The following KPNA5 variants were observed in gnomAD, a reference collection of about 807,000 sequenced individuals.
KPNA5 encodes the protein karyopherin subunit alpha 5, also known as importin subunit alpha-6.
In KPNA5, 46 loss-of-function variants were observed where a neutral mutation model predicts 71.3. The observed-to-expected ratio is 0.65, with a 90% confidence interval of 0.51 to 0.83. KPNA5 has a LOEUF of 0.83. Ranked by LOEUF, KPNA5 falls within the 40% of genes least tolerant of loss-of-function variation. The probability of loss-of-function intolerance (pLI) is 0.00; values close to 1 mark genes in which losing one functional copy is unlikely to be tolerated. For synonymous variants in KPNA5, 207 were observed against 201.4 expected (o/e 1.03, Z -0.24); for missense variants, 547 against 628.3 (o/e 0.87, Z 1.38).
At chr6:116,728,017 G>A (rs188602683) in intron 12 of KPNA5, among the ~76,000 whole-genome samples, 79 of 151,984 alleles carry the variant, frequency 5.2e-4, no homozygotes, top group African/African-American at 1.5e-3. Flanking sequence ...TGAAATTGTC[G>A]TCTTTTATTG....
chr6:116,718,670 A>G, intron 8 of KPNA5, among the ~76,000 whole-genome samples: 1 of 152,026 alleles, frequency 6.6e-6, no homozygotes, highest in South Asian at 2.1e-4. Flanking sequence ...AAATAATATC[A>G]CATTTTGGGG....
Position 116,729,723 on chromosome 6 carries a change from C to A in KPNA5, c.1414C>A (p.Leu472Ile). The A allele has an allele frequency of 6.4e-7, 1 of 1,554,702 alleles. No homozygotes were observed. The highest frequency in any genetic ancestry group is 8.7e-7 in the Non-Finnish European group (1 of 1,148,808). Residue 472 changes from leucine (L) to isoleucine (I), a missense_variant, in exon 13 of 14, where the codon CTC (leucine) becomes ATC (isoleucine). Leu to Ile is a conservative substitution (Grantham distance 5). Transcript: ENST00000368564. ...NGIGINPYCA[L>I]IEEAYGLDKI... ...AATAGGCATTAATCCATACTGTGCT[C>A]TCATTGAAGAAGCATATGGTAAGCA...
chr6:116,704,338 T>C (rs1778352126), intron 6 of KPNA5, among the ~76,000 whole-genome samples: 1 of 152,146 alleles, frequency 6.6e-6, no homozygotes, highest in Non-Finnish European at 1.5e-5. Context: ...GCACCCGACC[T>C]ACTATAGACA....
At chr6:116,716,971 T>G (rs1334912247) in intron 8 of KPNA5, among the ~76,000 whole-genome samples, 1 of 151,992 alleles carries the variant, frequency 6.6e-6, no homozygotes, top group Non-Finnish European at 1.5e-5. Context: ...GCCTTCTCAT[T>G]TTTACTTTTC....
At chr6:116,699,887 C>G (rs566610146) in intron 5 of KPNA5, among the ~76,000 whole-genome samples, 20 of 152,204 alleles carry the variant, frequency 1.3e-4, no homozygotes, top group African/African-American at 4.1e-4. Context: ...TATTGTAGTT[C>G]CAAAATTCAG....
At chr6:116,726,458 A>G (rs771111100) in intron 11 of KPNA5, 37 bp from the exon 12 acceptor site, 33 of 1,493,350 alleles carry the variant, frequency 2.2e-5, no homozygotes, top group Non-Finnish European at 2.9e-5. Flanking sequence ...TTTTAGAAAC[A>G]GTATTTGTAC....
intron 7 of KPNA5, among the ~76,000 whole-genome samples, chr6:116,713,045 T>C (rs1019947693): frequency 6.6e-6 from 1 of 152,178 alleles, no homozygotes; most frequent in Non-Finnish European, 1.5e-5. Flanking sequence ...ACCCTAGATT[T>C]ATAATGATTT....
At chr6:116,712,003 G>A (rs1265498256) in intron 7 of KPNA5, among the ~76,000 whole-genome samples, 2 of 152,160 alleles carry the variant, frequency 1.3e-5, no homozygotes, top group Non-Finnish European at 2.9e-5. Context: ...GAGTGCAGTG[G>A]TGCAGCCTCG....
intron 8 of KPNA5, among the ~76,000 whole-genome samples, chr6:116,721,343 G>C (rs1779098470): frequency 6.6e-6 from 1 of 151,452 alleles, no homozygotes; most frequent in Non-Finnish European, 1.5e-5. Context: ...AGTAGAGATC[G>C]GGTTTCTCCA....
chr6:116,716,651 T>G (rs1057449383), intron 8 of KPNA5, among the ~76,000 whole-genome samples: 5 of 152,228 alleles, frequency 3.3e-5, no homozygotes, highest in Non-Finnish European at 7.3e-5. Context: ...TGTTCACCAT[T>G]TGTACTTTTT....
chr6:116,718,182 A>G (rs1778963982), intron 8 of KPNA5, among the ~76,000 whole-genome samples: 1 of 151,518 alleles, frequency 6.6e-6, no homozygotes, highest in South Asian at 2.1e-4. Context: ...AGTATACCTG[A>G]CCTTCTTCAT....
chr6:116,734,578 T>G lies in KPNA5; in HGVS notation c.*2255T>G, dbSNP rs1779603503. 6.6e-6 allele frequency: 1 copy of G among 151,614 alleles called. No individual in the cohort carries two copies. The allele number at this position is 151,614 out of a possible 1,614,324, so 9.4% of individuals were successfully genotyped here. On this transcript the variant is annotated 3_prime_UTR_variant, in exon 14 of 14. Coordinates refer to ENST00000368564, the MANE Select transcript of KPNA5 (RefSeq NM_001366306.2). ...TAGCAGTTGGGACCAGCTCTTGGCT[T>G]GGCTTGGCTTGGCTTATTGTTAAGA...
chr6:116,685,503 AT>A (rs1416827748), intron 1 of KPNA5, among the ~76,000 whole-genome samples: 4 of 152,170 alleles, frequency 2.6e-5, no homozygotes, highest in African/African-American at 9.6e-5. Context: ...TGTTCTCCTC[AT>A]TTAGCTCCCA....
chr6:116,696,509 C>G (rs1424702454), intron 4 of KPNA5, among the ~76,000 whole-genome samples: 1 of 152,096 alleles, frequency 6.6e-6, no homozygotes, highest in Non-Finnish European at 1.5e-5. Flanking sequence ...TATCTTAGCT[C>G]CAGCTTTTAC....
At chr6:116,704,183 C>T (rs1778346030) in intron 6 of KPNA5, among the ~76,000 whole-genome samples, 1 of 152,084 alleles carries the variant, frequency 6.6e-6, no homozygotes, top group Non-Finnish European at 1.5e-5. Flanking sequence ...GGATTACAGG[C>T]ACCTGCAATC....
At chr6:116,726,937 T>C (rs1370566292) in intron 12 of KPNA5, among the ~76,000 whole-genome samples, 1 of 152,096 alleles carries the variant, frequency 6.6e-6, no homozygotes, top group Non-Finnish European at 1.5e-5. Flanking sequence ...AAAATATAGC[T>C]TTATTATATA....
At chr6:116,717,518 G>C (rs1778931826) in intron 8 of KPNA5, among the ~76,000 whole-genome samples, 1 of 152,124 alleles carries the variant, frequency 6.6e-6, no homozygotes, top group African/African-American at 2.4e-5. Flanking sequence ...AAATCCATAT[G>C]GGTCTGCAGC....
intron 13 of KPNA5, among the ~76,000 whole-genome samples, chr6:116,731,269 C>CT (rs1779472831): frequency 6.6e-6 from 1 of 152,028 alleles, no homozygotes; most frequent in East Asian, 1.9e-4. Flanking sequence ...CATGATATCA[C>CT]TTTGTCTTTC....
intron 6 of KPNA5, 120 bp downstream of exon 6, chr6:116,702,270 G>A (rs1429819771): frequency 2.0e-6 from 2 of 1,012,730 alleles, no homozygotes; most frequent in East Asian, 2.6e-5. Flanking sequence ...GCATTAAATT[G>A]TAGTAGTGTT....
Sources: allele counts gnomAD v4.1 joint callset (sites outside exome capture counted in the v4.1 genomes callset), GRCh38; gene constraint gnomAD v4.1.1; transcripts MANE v1.5; gene names NCBI Gene and HGNC (gene_info 2026-07-23, HGNC 2026-07-21).